The following ANKRD30BL variants were observed in gnomAD, a reference collection of about 807,000 sequenced individuals.
ANKRD30BL encodes ankyrin repeat domain 30B like.
A neutral mutation model predicts 18.4 loss-of-function variants in ANKRD30BL; 20 were observed. The observed-to-expected ratio is 1.09, with a 90% confidence interval of 0.77 to 1.58. The LOEUF (loss-of-function observed/expected upper bound fraction) is 1.58, where lower values mean the gene tolerates loss of function less well. Among genes scored for constraint, ANKRD30BL ranks in the 40% most tolerant of loss-of-function variants. The pLI is 0.00. For missense variants in ANKRD30BL, 224 were observed against 268.6 expected (o/e 0.83, Z 1.16); for synonymous variants, 72 against 100.9 (o/e 0.71, Z 1.72).
intron 1 of ANKRD30BL, among the ~76,000 whole-genome samples, chr2:132,231,452 T>G (rs201925694): frequency 6.6e-6 from 1 of 152,258 alleles, no homozygotes; most frequent in Middle Eastern, 3.4e-3. Flanking sequence ...TAGGGAGTGC[T>G]AGACAGTGGG....
chr2:132,247,192 T>C (rs528680652), intron 1 of ANKRD30BL, among the ~76,000 whole-genome samples: 83 of 151,406 alleles, frequency 5.5e-4, no homozygotes, highest in African/African-American at 1.9e-3. Context: ...AACTTCTTTG[T>C]GATGTCTGCA....
chr2:132,195,368 T>C (rs1393209806), intron 1 of ANKRD30BL, among the ~76,000 whole-genome samples: 1 of 151,952 alleles, frequency 6.6e-6, no homozygotes, highest in Non-Finnish European at 1.5e-5. Context: ...ATTAGAGAGA[T>C]AATGAAATAA....
At chr2:132,204,887 A>G (rs557123350) in intron 1 of ANKRD30BL, among the ~76,000 whole-genome samples, 57 of 152,338 alleles carry the variant, frequency 3.7e-4, no homozygotes, top group Admixed American at 6.5e-4. Flanking sequence ...GGGGAGAATC[A>G]GTTGACATTT....
chr2:132,220,882 C>T (rs1459780361), intron 1 of ANKRD30BL, among the ~76,000 whole-genome samples: 1 of 151,432 alleles, frequency 6.6e-6, no homozygotes, highest in Non-Finnish European at 1.5e-5. Flanking sequence ...AAGTCAGGAG[C>T]CTCTGCCCGG....
intron 1 of ANKRD30BL, among the ~76,000 whole-genome samples, chr2:132,240,094 A>G (rs140670509): frequency 2.0e-5 from 3 of 151,524 alleles, no homozygotes; most frequent in Non-Finnish European, 4.4e-5. Context: ...CTTTTAGTAG[A>G]ATCTACAAGT....
At chr2:132,243,057 C>A (rs188152913) in intron 1 of ANKRD30BL, among the ~76,000 whole-genome samples, 2 of 151,268 alleles carry the variant, frequency 1.3e-5, no homozygotes. Context: ...AATATCTTCA[C>A]ATAAAACTAG....
chr2:132,222,050 G>A (rs1167988793), intron 1 of ANKRD30BL, among the ~76,000 whole-genome samples: 2 of 124,352 alleles, frequency 1.6e-5, no homozygotes, highest in Admixed American at 7.8e-5. Context: ...AGGCGGGGGG[G>A]GGGGTCGGCC....
intron 1 of ANKRD30BL, among the ~76,000 whole-genome samples, chr2:132,231,362 T>C (rs200443105): frequency 6.6e-6 from 1 of 152,198 alleles, no homozygotes; most frequent in Non-Finnish European, 1.5e-5. Context: ...GGAACAGCTC[T>C]GGTCTACAGC....
intron 1 of ANKRD30BL, among the ~76,000 whole-genome samples, chr2:132,211,807 G>C (rs1573847100): frequency 6.6e-6 from 1 of 151,640 alleles, no homozygotes. Flanking sequence ...TCACAGAGTT[G>C]AACCTTTCTT....
chr2:132,212,814 T>G (rs1488141360), intron 1 of ANKRD30BL, among the ~76,000 whole-genome samples: 1 of 151,802 alleles, frequency 6.6e-6, no homozygotes, highest in Non-Finnish European at 1.5e-5. Flanking sequence ...TGTCCTCACA[T>G]AAAAACTAGA....
chr2:132,224,115 C>T (rs1394786194), intron 1 of ANKRD30BL, among the ~76,000 whole-genome samples: 4 of 151,718 alleles, frequency 2.6e-5, no homozygotes, highest in East Asian at 1.9e-4. Context: ...TTGAGGCCTT[C>T]GTTGGAAGCG....
chr2:132,163,399 CTGAT>C (rs1688125461), upstream of ANKRD30BL, among the ~76,000 whole-genome samples: 1 of 151,944 alleles, frequency 6.6e-6, no homozygotes, highest in Non-Finnish European at 1.5e-5. Flanking sequence ...GTACAGTAAA[CTGAT>C]TGTGCCACAA....
intron 1 of ANKRD30BL, among the ~76,000 whole-genome samples, chr2:132,184,174 G>T (rs933959043): frequency 1.3e-5 from 2 of 152,076 alleles, no homozygotes; most frequent in African/African-American, 4.8e-5. Context: ...CTGGGTTCAA[G>T]CTATTCTCCT....
Position 132,160,401 on chromosome 2 carries a change from C to CTTTTTTT in ANKRD30BL, c.218+1080_218+1086dup, listed in dbSNP as rs33924872. Among the ~76,000 whole-genome samples the CTTTTTTT allele has an allele frequency of 3.0e-3, 289 of 97,534 alleles. 5 individuals carry two copies. The highest frequency in any genetic ancestry group is 0.012 in the African/African-American group (266 of 23,044). 64.0% of individuals were successfully genotyped at this position (97,534 alleles called of 152,430 possible). On this transcript the variant is annotated intron_variant, in intron 1 of 5. Transcript: ENST00000409867. ...CAGGCATGAGCCACGACGCCTGGCCCTTTTTTTTTTTTTTTTTCAAATTTT... is the reference window on the plus strand; with the variant it reads ...CAGGCATGAGCCACGACGCCTGGCCCTTTTTTTTTTTTTTTTTTTTTTTTCAAATTTT...
At chr2:132,187,665 G>A (rs1211870231) in intron 1 of ANKRD30BL, among the ~76,000 whole-genome samples, 1 of 151,890 alleles carries the variant, frequency 6.6e-6, no homozygotes, top group Admixed American at 6.6e-5. Context: ...AGTTTGTTAA[G>A]CTCAACTGTT....
At chr2:132,256,342 A>G (rs1480767651) in intron 1 of ANKRD30BL, among the ~76,000 whole-genome samples, 2 of 150,944 alleles carry the variant, frequency 1.3e-5, no homozygotes, top group Admixed American at 6.6e-5. Context: ...CGAACCGGAC[A>G]TCCCATCCAC....
At chr2:132,191,657 A>C (rs1200056223) in intron 1 of ANKRD30BL, among the ~76,000 whole-genome samples, 3 of 150,656 alleles carry the variant, frequency 2.0e-5, no homozygotes, top group Non-Finnish European at 4.4e-5. Flanking sequence ...CATCATTCAT[A>C]TATCTTTGGT....
chr2:132,225,692 C>A (rs1272395346), intron 1 of ANKRD30BL, among the ~76,000 whole-genome samples: 1 of 151,906 alleles, frequency 6.6e-6, no homozygotes, highest in African/African-American at 2.4e-5. Flanking sequence ...GAAGTTTTTT[C>A]CGAAACTTCT....
chr2:132,257,206 G>A (rs1680879232), intron 1 of ANKRD30BL: 1 of 411,552 alleles, frequency 2.4e-6, no homozygotes, highest in Non-Finnish European at 4.8e-6. Flanking sequence ...CAAGCTCCAG[G>A]AGACCGGCAT....
Sources: gnomAD v4.1 joint callset for allele counts (sites outside exome capture counted in the v4.1 genomes callset) on GRCh38, gnomAD v4.1.1 for gene constraint, MANE v1.5 for transcripts, NCBI Gene and HGNC (gene_info 2026-07-23, HGNC 2026-07-21) for gene names.